ZNF585B: variants seen among roughly 807,000 people sequenced by gnomAD.
ZNF585B encodes zinc finger protein 585B.
ZNF585B carries 7 observed loss-of-function variants against 14.0 expected under a neutral mutation model. That is an observed-to-expected ratio of 0.50 (90% CI 0.28 to 0.94). The LOEUF (loss-of-function observed/expected upper bound fraction) is 0.94. Among genes scored for constraint, ZNF585B ranks in the 40% least tolerant of loss-of-function variants. ZNF585B has a pLI of 0.09. For synonymous variants in ZNF585B, 290 were observed against 317.3 expected (o/e 0.91, Z 0.91); for missense variants, 750 against 924.4 (o/e 0.81, Z 2.45).
In ZNF585B at chr19:37,187,066, G is replaced by C; in HGVS notation, c.471C>G (p.Leu157=). 1.2e-6 allele frequency: 2 copies of C among 1,613,672 alleles called. No homozygotes were observed. Among genetic ancestry groups the C allele is most frequent in the Non-Finnish European group, 8.5e-7 (1 of 1,179,934 alleles). Residue 157 remains leucine, a synonymous_variant, in exon 5 of 5, where the codon CTC becomes CTG. Transcript: ENST00000532828. ...VHLKVPTGEK[L]YVCIECGRAF... is the part of the protein sequence containing the mutation. ...CCCTCCCACATTCAATACATACATA[G>C]AGTTTTTCTCCTGTAGGAACTTTCA...
intron 2 of ZNF585B, among the ~76,000 whole-genome samples, chr19:37,191,526 G>A (rs980099566): frequency 2.0e-5 from 3 of 151,912 alleles, no homozygotes; most frequent in Non-Finnish European, 4.4e-5. Context: ...GCTGAGGAGG[G>A]AGAATCACTT....
chr19:37,202,640 G>T (rs1664694), intron 2 of ZNF585B, among the ~76,000 whole-genome samples: 60,908 of 137,740 alleles, frequency 0.44, 14,230 homozygotes, highest in African/African-American at 0.66. Context: ...TATTTGCATG[G>T]TTTTTTTTTT....
At chr19:37,208,623 G>C (rs560689610) in intron 1 of ZNF585B, among the ~76,000 whole-genome samples, 1 of 151,656 alleles carries the variant, frequency 6.6e-6, no homozygotes, top group South Asian at 2.1e-4. Flanking sequence ...ACTGGAAAAG[G>C]TATGAAAATT....
At chr19:37,208,607 A>T (rs891551361) in intron 1 of ZNF585B, among the ~76,000 whole-genome samples, 8 of 152,072 alleles carry the variant, frequency 5.3e-5, no homozygotes, top group Non-Finnish European at 8.8e-5. Context: ...AAAAAAAATA[A>T]AAGAAACTGG....
At chr19:37,192,399 G>A (rs1380874656) in intron 2 of ZNF585B, among the ~76,000 whole-genome samples, 1 of 151,910 alleles carries the variant, frequency 6.6e-6, no homozygotes, top group African/African-American at 2.4e-5. Flanking sequence ...GGGGTAAGGG[G>A]GACATTGCCC....
In ZNF585B at chr19:37,207,251, G is replaced by C; in HGVS notation, c.-140C>G. 6.8e-7 allele frequency: 1 copy of C among 1,468,548 alleles called. No homozygotes were observed. Among genetic ancestry groups the C allele is most frequent in the Admixed American group, 2.5e-5 (1 of 39,630 alleles). The allele number at this position is 1,468,548 out of a possible 1,614,324, so 91.0% of individuals were successfully genotyped here. ...CCAGGGACTCCCCAGAGACACCCAA[G>C]AACCTAGAAAAACAATGTCCACGTA... On this transcript the variant is annotated 5_prime_UTR_variant, in exon 2 of 5. Coordinates refer to ENST00000532828, the MANE Select transcript of ZNF585B (RefSeq NM_152279.4).
chr19:37,188,935 C>CTT (rs869293622), intron 4 of ZNF585B, among the ~76,000 whole-genome samples: 3 of 143,254 alleles, frequency 2.1e-5, no homozygotes, highest in Non-Finnish European at 1.5e-5. Flanking sequence ...AAATAAAGTT[C>CTT]TTTTTTTTTT....
chr19:37,188,798 G>A (rs1401473731), intron 4 of ZNF585B, among the ~76,000 whole-genome samples: 1 of 152,194 alleles, frequency 6.6e-6, no homozygotes. Context: ...CAGCAGAGAG[G>A]TATTCCCAAA....
At position 37,184,435 on chromosome 19, in the gene ZNF585B, A is replaced by G. The variant is rs10417095; in HGVS notation, c.*792T>C. On this transcript the variant is annotated 3_prime_UTR_variant, in exon 5 of 5. Coordinates refer to ENST00000532828, the MANE Select transcript of ZNF585B (RefSeq NM_152279.4). The stretch of plus-strand genomic sequence containing the variant: ...AAGAAAGAGAAAGAAAGAAAAAGAA[A>G]GAAAGAAGGAAAGAAAGAAAGAAAG... 3.3e-3 allele frequency: 252 copies of G among 77,382 alleles called. 6 individuals carry two copies. Among genetic ancestry groups the G allele is most frequent in the African/African-American group, 0.011 (176 of 16,662 alleles). 4.8% of individuals were successfully genotyped at this position (77,382 alleles called of 1,614,324 possible).
At chr19:37,195,103 G>C (rs1972447134) in intron 2 of ZNF585B, among the ~76,000 whole-genome samples, 1 of 151,914 alleles carries the variant, frequency 6.6e-6, no homozygotes, top group Non-Finnish European at 1.5e-5. Context: ...CCAGCACTTT[G>C]GGGGGCCGAG....
chr19:37,197,888 G>A (rs1297336360), intron 2 of ZNF585B, among the ~76,000 whole-genome samples: 1 of 152,156 alleles, frequency 6.6e-6, no homozygotes, highest in Non-Finnish European at 1.5e-5. Context: ...GATGTAGAAG[G>A]AAAATGGCAC....
Position 37,182,098 on chromosome 19 carries a change from T to C in ZNF585B, c.*3129A>G, listed in dbSNP as rs574701883. 2.0e-5 allele frequency: 3 copies of C among 152,272 alleles called. No homozygotes were observed. The highest frequency in any genetic ancestry group is 3.9e-4 in the East Asian group (2 of 5,182). 9.4% of individuals were successfully genotyped at this position (152,272 alleles called of 1,614,324 possible). A position where few individuals can be genotyped will look rare whatever the true frequency, so the allele number is the denominator to read the frequency against. On this transcript the variant is annotated 3_prime_UTR_variant, in exon 5 of 5. Coordinates refer to ENST00000532828, the MANE Select transcript of ZNF585B (RefSeq NM_152279.4). The stretch of plus-strand genomic sequence containing the variant: ...TGTATATGTGAGGGTAGGGGATATA[T>C]GGGAAATCTCTGTACCTTCTGCCCC...
intron 4 of ZNF585B, 90 bp from the exon 5 acceptor site, chr19:37,187,334 T>C (rs146466247): frequency 2.0e-5 from 20 of 991,482 alleles, no homozygotes; most frequent in African/African-American, 6.5e-5. Context: ...GTTTCTATCA[T>C]GAATGTGTAG....
Position 37,186,739 on chromosome 19 carries a change from G to C in ZNF585B, c.798C>G (p.Gly266=). ...ATTCAATACAGATGTAGGATCTCTC[G>C]CCTGTATGGATTTTCTGATGAATCT... ...TLKIHQKIHT[G]ERSYICIECG... is the part of the protein sequence containing the mutation. Residue 266 remains glycine, a synonymous_variant, in exon 5 of 5, where the codon GGC becomes GGG. Coordinates refer to ENST00000532828, the MANE Select transcript of ZNF585B (RefSeq NM_152279.4). 1 of 1,614,064 alleles carries C rather than the reference G, an allele frequency of 6.2e-7. No homozygotes were observed.
intron 4 of ZNF585B, among the ~76,000 whole-genome samples, chr19:37,188,576 A>C (rs1249671343): frequency 6.6e-6 from 1 of 152,194 alleles, no homozygotes; most frequent in Admixed American, 6.5e-5. Context: ...GGCTGAGGCA[A>C]GAGAATCATT....
intron 2 of ZNF585B, among the ~76,000 whole-genome samples, chr19:37,195,538 AT>A (rs1972456583): frequency 1.3e-5 from 2 of 152,044 alleles, no homozygotes; most frequent in African/African-American, 2.4e-5. Context: ...AACAGGAAAT[AT>A]CATGACAGAT....
chr19:37,182,327 G>T lies in ZNF585B; in HGVS notation c.*2900C>A, dbSNP rs1394319934. 6.6e-6 allele frequency: 1 copy of T among 152,164 alleles called. No homozygotes were observed. The highest frequency in any genetic ancestry group is 1.5e-5 in the Non-Finnish European group (1 of 68,036). The allele number at this position is 152,164 out of a possible 1,614,324, so 9.4% of individuals were successfully genotyped here. A position where few individuals can be genotyped will look rare whatever the true frequency, so the allele number is the denominator to read the frequency against. The stretch of plus-strand genomic sequence containing the variant: ...GATACACTTAGGAGTAAGGTAAAAT[G>T]GGAATAATGAAGGGGACCAGACCTT... On this transcript the variant is annotated 3_prime_UTR_variant, in exon 5 of 5. Transcript: ENST00000532828.
At chr19:37,207,287 A>T in intron 1 of ZNF585B, 33 bp from the exon 2 acceptor site, 2 of 1,405,772 alleles carry the variant, frequency 1.4e-6, no homozygotes, top group Non-Finnish European at 1.9e-6. Context: ...GTCATTCAAC[A>T]TTCACTACAT....
chr19:37,184,882 C>T lies in ZNF585B; in HGVS notation c.*345G>A, dbSNP rs746526522. 2.3e-6 allele frequency: 1 copy of T among 441,822 alleles called. No homozygotes were observed. Among genetic ancestry groups the T allele is most frequent in the Non-Finnish European group, 4.0e-6 (1 of 251,750 alleles). 27.4% of individuals were successfully genotyped at this position (441,822 alleles called of 1,614,324 possible). On this transcript the variant is annotated 3_prime_UTR_variant, in exon 5 of 5. Transcript: ENST00000532828. ...CAAACTGTTGGCACTATACCTAATC[C>T]ACAGTAAACAGGATTATCATTCCCA...
Sources: gnomAD v4.1 joint callset for allele counts (sites outside exome capture counted in the v4.1 genomes callset) on GRCh38, gnomAD v4.1.1 for gene constraint, MANE v1.5 for transcripts, NCBI Gene and HGNC (gene_info 2026-07-23, HGNC 2026-07-21) for gene names.